MERTK: variants seen among roughly 807,000 people sequenced by gnomAD.
MERTK encodes tyrosine-protein kinase Mer.
MERTK carries 69 observed loss-of-function variants against 99.3 expected under a neutral mutation model. That is an observed-to-expected ratio of 0.70 (90% confidence interval 0.57 to 0.85). The LOEUF (loss-of-function observed/expected upper bound fraction) is 0.85, where lower values mean the gene tolerates loss of function less well. Ranked by LOEUF, MERTK falls within the 40% of genes least tolerant of loss-of-function variation. The pLI is 0.00. For synonymous variants in MERTK, 426 were observed against 467.6 expected (o/e 0.91, Z 1.15); for missense variants, 1,125 against 1,249.4 (o/e 0.90, Z 1.50).
chr2:111,942,257 G>T (rs1684878225), intron 2 of MERTK, among the ~76,000 whole-genome samples: 6 of 152,214 alleles, frequency 3.9e-5, no homozygotes, highest in Admixed American at 3.9e-4. Flanking sequence ...TCAAGAAAAT[G>T]ATGCCTCTTC....
rs113188719 is a variant in MERTK, at chr2:112,019,108, G to A, written c.2080-305G>A. 1.7e-3 allele frequency among the ~76,000 whole-genome samples: 255 copies of A among 152,178 alleles called. 1 individual carries two copies. The highest frequency in any genetic ancestry group is 5.8e-3 in the African/African-American group (242 of 41,500). On this transcript the variant is annotated intron_variant, in intron 15 of 18. Transcript: ENST00000295408. ...CAATGCGTGTGCTCTGTCCCACTCT[G>A]AAGGATACACGGAAGGATCACGTTT...
intron 8 of MERTK, among the ~76,000 whole-genome samples, chr2:111,990,427 T>C (rs1008085483): frequency 1.3e-5 from 2 of 152,222 alleles, no homozygotes; most frequent in Non-Finnish European, 2.9e-5. Context: ...ATCTTTGTCA[T>C]ATTTTGATAT....
At chr2:111,966,072 A>G (rs1319728711) in intron 5 of MERTK, among the ~76,000 whole-genome samples, 2 of 152,180 alleles carry the variant, frequency 1.3e-5, no homozygotes, top group Admixed American at 1.3e-4. Context: ...ATTTTAAATC[A>G]TCCTCCTTAG....
chr2:112,010,100 C>T, intron 15 of MERTK, 34 bp downstream of exon 15: 5 of 1,426,240 alleles, frequency 3.5e-6, no homozygotes, highest in Non-Finnish European at 5.0e-6. Context: ...CTGAACACTT[C>T]TCAGGGCTTA....
chr2:111,965,330 C>G lies in MERTK; in HGVS notation c.844+53C>G, dbSNP rs190962474. 5.2e-5 allele frequency: 81 copies of G among 1,571,670 alleles called. 2 individuals carry two copies. The African/African-American group carries it at 9.6e-4, about 19-fold the overall frequency. On this transcript the variant is annotated intron_variant, in intron 5 of 18. Transcript: ENST00000295408. ...CATGTTCTGGGAGCTGGTGAGGGTA[C>G]AGCATGAGCTTGCAGCTGGCTGCCT...
intron 2 of MERTK, among the ~76,000 whole-genome samples, chr2:111,944,533 A>ATTCCTTAACATAATTCCTCT (rs1265922025): frequency 6.6e-6 from 1 of 151,258 alleles, no homozygotes. Flanking sequence ...TTAAGGAATT[A>ATTCCTTAACATAATTCCTCT]GCTCACACAC....
rs563885531 is a variant in MERTK, at chr2:111,914,077, TTTTCTTTCTTTC to T, written c.62-15027_62-15016del. ...TTATTAAGTTGAGGATGTGCCCCTC[TTTTCTTTCTTTC>T]TTTCTTTCTTTCTTTTTTTTTTTTT... On this transcript the variant is annotated intron_variant, in intron 1 of 18. Coordinates refer to ENST00000295408, the MANE Select transcript of MERTK (RefSeq NM_006343.3). 9.7e-5 allele frequency among the ~76,000 whole-genome samples: 12 copies of T among 123,176 alleles called. No individual in the cohort carries two copies. The East Asian group carries it at 1.1e-3, about 11-fold the overall frequency. The allele number at this position is 123,176 out of a possible 152,430, so 80.8% of individuals were successfully genotyped here.
At chr2:112,019,725 C>A (rs1041004761) in intron 16 of MERTK, among the ~76,000 whole-genome samples, 2 of 152,164 alleles carry the variant, frequency 1.3e-5, no homozygotes, top group African/African-American at 4.8e-5. Flanking sequence ...GGTTGGCTTC[C>A]AAAGCTTTCC....
chr2:112,028,499 G>A lies in MERTK; in HGVS notation c.2635G>A (p.Glu879Lys), dbSNP rs748883082. The A allele has an allele frequency of 6.2e-7, 1 of 1,614,178 alleles. No individual in the cohort carries two copies. Among genetic ancestry groups the A allele is most frequent in the Non-Finnish European group, 8.5e-7 (1 of 1,180,040 alleles). The change falls in exon 19 of 19, where the codon GAG becomes AAG. Residue 879 changes from glutamate to lysine, a missense_variant. Physicochemically the swap from Glu to Lys is moderately conservative, Grantham distance 56. Transcript: ENST00000295408. ...TATTTACGTCAATACACAGTTGCTG[G>A]AGAGCTCTGAGGGCCTGGCCCAGGG... Reference protein sequence around the residue: ...DVIYVNTQLLESSEGLAQGST... With the variant: ...DVIYVNTQLLKSSEGLAQGST...
In MERTK at chr2:111,949,472, T is replaced by C. The variant is rs144359652; in HGVS notation, c.757+1905T>C. On this transcript the variant is annotated intron_variant, in intron 4 of 18. Coordinates refer to ENST00000295408, the MANE Select transcript of MERTK (RefSeq NM_006343.3). ...ATGTTATGGTTTTCTCTCCTTCATC[T>C]GAGTTTTCTTTGAGTTTTTTTAGGG... Among the ~76,000 whole-genome samples, 166 of 152,324 alleles carry C rather than the reference T, an allele frequency of 1.1e-3. 1 individual carries two copies. Among genetic ancestry groups the C allele is most frequent in the African/African-American group, 3.9e-3 (162 of 41,566 alleles).
At chr2:111,916,494 A>T (rs557834623) in intron 1 of MERTK, among the ~76,000 whole-genome samples, 2 of 152,098 alleles carry the variant, frequency 1.3e-5, no homozygotes, top group African/African-American at 4.8e-5. Flanking sequence ...TGTTGAACTT[A>T]TCCATTGAGT....
At chr2:111,940,811 G>A (rs11674226) in intron 2 of MERTK, 169,307 of 984,912 alleles carry the variant, frequency 0.17, 20,374 homozygotes, top group Middle Eastern at 0.27. Context: ...GCTTCTTGTC[G>A]ATCTTGAATC....
At chr2:111,910,766 A>C (rs906359917) in intron 1 of MERTK, among the ~76,000 whole-genome samples, 15 of 152,170 alleles carry the variant, frequency 9.9e-5, no homozygotes, top group Non-Finnish European at 2.1e-4. Context: ...CCTCACTCAT[A>C]GGTGGAAGCT....
chr2:111,957,600 C>G (rs1685173868), intron 4 of MERTK, among the ~76,000 whole-genome samples: 1 of 152,148 alleles, frequency 6.6e-6, no homozygotes, highest in African/African-American at 2.4e-5. Context: ...TTATTTATTG[C>G]CCATTTCTCC....
intron 9 of MERTK, chr2:111,995,323 C>A: frequency 5.7e-6 from 1 of 174,608 alleles, no homozygotes; most frequent in South Asian, 1.6e-4. Flanking sequence ...CACTCCATAA[C>A]CCAATGGAGC....
At chr2:111,971,451 C>T (rs1676118130) in intron 6 of MERTK, among the ~76,000 whole-genome samples, 1 of 152,094 alleles carries the variant, frequency 6.6e-6, no homozygotes, top group Admixed American at 6.5e-5. Flanking sequence ...GGCATTTACA[C>T]TCTACATTTC....
At chr2:111,902,986 C>G (rs1043415589) in intron 1 of MERTK, among the ~76,000 whole-genome samples, 3 of 152,156 alleles carry the variant, frequency 2.0e-5, no homozygotes, top group Non-Finnish European at 4.4e-5. Flanking sequence ...ACCATGTTGG[C>G]CAGGCTGGTC....
Position 112,028,632 on chromosome 2 carries a change from A to G in MERTK, c.2768A>G (p.Lys923Arg), listed in dbSNP as rs1677519148. 1.9e-6 allele frequency: 3 copies of G among 1,614,194 alleles called. No homozygotes were observed. Among genetic ancestry groups the G allele is most frequent in the Non-Finnish European group, 2.5e-6 (3 of 1,180,026 alleles). ...SVVTAEVHDSKPHEGRYILNG... is the reference protein window; with the variant it reads ...SVVTAEVHDSRPHEGRYILNG... ...GTCACAGCAGAAGTTCATGACAGCA[A>G]ACCTCATGAAGGACGGTACATCCTG... The change falls in exon 19 of 19, where the codon AAA becomes AGA. Residue 923 changes from lysine (K) to arginine (R), a missense_variant. Transcript: ENST00000295408.
chr2:112,010,100 C>A, intron 15 of MERTK, 34 bp downstream of exon 15: 1 of 1,426,246 alleles, frequency 7.0e-7, no homozygotes, highest in Non-Finnish European at 9.9e-7. Flanking sequence ...CTGAACACTT[C>A]TCAGGGCTTA....
Sources: gnomAD v4.1 joint callset for allele counts (sites outside exome capture counted in the v4.1 genomes callset) on GRCh38, gnomAD v4.1.1 for gene constraint, MANE v1.5 for transcripts, NCBI Gene and HGNC (gene_info 2026-07-23, HGNC 2026-07-21) for gene names.